PLA2G7: variants seen among roughly 807,000 people sequenced by gnomAD.
PLA2G7 encodes phospholipase A2 group VII.
A neutral mutation model predicts 49.6 loss-of-function variants in PLA2G7; 63 were observed. The ratio of observed to expected loss-of-function variants is 1.27; its 90% confidence interval spans 1.04 to 1.57. The LOEUF is 1.57. Ranked by LOEUF, PLA2G7 falls within the 40% of genes most tolerant of loss-of-function variation. PLA2G7 has a pLI of 0.00. For synonymous variants in PLA2G7, 193 were observed against 169.9 expected, an observed-to-expected ratio of 1.14 and a Z score of -1.06; for missense variants, 596 against 521.2, an observed-to-expected ratio of 1.14 and a Z score of -1.40.
At chr6:46,705,515 C>G (rs1288206679) in intron 10 of PLA2G7, among the ~76,000 whole-genome samples, 1 of 152,100 alleles carries the variant, frequency 6.6e-6, no homozygotes, top group Non-Finnish European at 1.5e-5. Flanking sequence ...TCTAGAAATA[C>G]AACTCAAAGA....
intron 1 of PLA2G7, among the ~76,000 whole-genome samples, chr6:46,733,715 CACCAG>C (rs2150717174): frequency 6.6e-6 from 1 of 152,336 alleles, no homozygotes; most frequent in Non-Finnish European, 1.5e-5. Flanking sequence ...GATGGAGGCT[CACCAG>C]TGCCTCGTGA....
intron 3 of PLA2G7, 151 bp from the exon 4 acceptor site, chr6:46,716,679 G>A: frequency 1.3e-6 from 1 of 749,492 alleles, no homozygotes; most frequent in Non-Finnish European, 2.2e-6. Context: ...GGTGATTGAA[G>A]ATAGTCATGA....
intron 7 of PLA2G7, 69 bp from the exon 8 acceptor site, chr6:46,710,727 A>G (rs1389068981): frequency 8.1e-6 from 10 of 1,238,932 alleles, no homozygotes; most frequent in Admixed American, 1.7e-5. Context: ...AAGTTTAGGT[A>G]GAAGCTGTAT....
At chr6:46,714,673 G>A in intron 4 of PLA2G7, 120 bp from the exon 5 acceptor site, 1 of 712,130 alleles carries the variant, frequency 1.4e-6, no homozygotes, top group South Asian at 1.5e-5. Context: ...TTTTATGGAT[G>A]AATAGTAGAT....
At chr6:46,716,330 T>G in intron 4 of PLA2G7, 54 bp downstream of exon 4, 1 of 1,590,760 alleles carries the variant, frequency 6.3e-7, no homozygotes, top group Non-Finnish European at 8.6e-7. Flanking sequence ...CTTGTTGTTT[T>G]CAAGGTTTTC....
At chr6:46,704,734 T>C in intron 11 of PLA2G7, 38 bp from the exon 12 acceptor site, 1 of 1,344,946 alleles carries the variant, frequency 7.4e-7, no homozygotes, top group Non-Finnish European at 1.1e-6. Context: ...TATTAAACTT[T>C]TGAGAGCATT....
intron 5 of PLA2G7, among the ~76,000 whole-genome samples, chr6:46,713,104 T>C (rs9472826): frequency 0.037 from 5,586 of 152,328 alleles, 255 homozygotes; most frequent in African/African-American, 0.11. Flanking sequence ...TTAGCTATTA[T>C]TTAAATGATT....
chr6:46,717,709 C>CTTTTTTTTTTT (rs760308042), intron 2 of PLA2G7, among the ~76,000 whole-genome samples: 20 of 116,180 alleles, frequency 1.7e-4, no homozygotes, highest in East Asian at 6.0e-4. Flanking sequence ...TTTCTTTTTT[C>CTTTTTTTTTTT]TTTTTCTTTT....
chr6:46,714,963 G>A (rs560280939), intron 4 of PLA2G7, among the ~76,000 whole-genome samples: 1 of 152,044 alleles, frequency 6.6e-6, no homozygotes, highest in South Asian at 2.1e-4. Flanking sequence ...GTGAACTCCC[G>A]ACCTCAGGTG....
intron 4 of PLA2G7, among the ~76,000 whole-genome samples, 183 bp from the exon 5 acceptor site, chr6:46,714,736 G>GTTT (rs34589690): frequency 1.6e-5 from 2 of 128,726 alleles, no homozygotes; most frequent in Non-Finnish European, 3.3e-5. Flanking sequence ...TGAACTGTAA[G>GTTT]TTTTTTTTTT....
rs571621664 is a variant in PLA2G7 at position 46,713,145 on chromosome 6, G to A, written c.471-808C>T. Among the ~76,000 whole-genome samples, 10 of 152,290 alleles carry A rather than the reference G, an allele frequency of 6.6e-5. 1 individual carries two copies. The South Asian group carries it at 2.1e-3, about 32-fold the overall frequency. On this transcript the variant is annotated intron_variant, in intron 5 of 11. Coordinates refer to ENST00000274793, the MANE Select transcript of PLA2G7 (RefSeq NM_005084.4). ...GGGTGAAATAGTTGAAAAATCATGT[G>A]CTAAGCACTGCATTTATGCCCTCTT...
At chr6:46,706,253 C>T (rs1764822924) in intron 10 of PLA2G7, among the ~76,000 whole-genome samples, 1 of 152,200 alleles carries the variant, frequency 6.6e-6, no homozygotes, top group Non-Finnish European at 1.5e-5. Flanking sequence ...AGCAACCCAT[C>T]ATTCTTTTAG....
At chr6:46,719,513 G>A (rs1224021334) in intron 2 of PLA2G7, among the ~76,000 whole-genome samples, 1 of 152,154 alleles carries the variant, frequency 6.6e-6, no homozygotes. Flanking sequence ...CTGACACACA[G>A]GTCAGCAATC....
At chr6:46,716,932 A>C in intron 3 of PLA2G7, 43 bp downstream of exon 3, 2 of 1,594,734 alleles carry the variant, frequency 1.3e-6, no homozygotes, top group Middle Eastern at 3.3e-4. Context: ...AGCGACAGAC[A>C]ATATTAGAGT....
rs1216978186 is a variant in PLA2G7 at position 46,710,558 on chromosome 6, A to G, written c.764T>C (p.Met255Thr). ...VKNALDLKFD[M>T]EQLKDSIDRE... ...TTTATAGCTTACCTTCAGTTGTTCC[A>G]TATCAAACTTTAAATCTAATGCATT... The change falls in exon 8 of 12, where the codon ATG becomes ACG. Residue 255 changes from methionine to threonine, a missense_variant. By Grantham distance (81) the Met-to-Thr change is moderately conservative (BLOSUM62 -1). Transcript: ENST00000274793. The G allele has an allele frequency of 2.5e-6, 4 of 1,592,492 alleles. No individual in the cohort carries two copies. Among genetic ancestry groups the G allele is most frequent in the Non-Finnish European group, 3.4e-6 (4 of 1,160,390 alleles).
chr6:46,720,579 C>T (rs528325321), intron 2 of PLA2G7, among the ~76,000 whole-genome samples: 1 of 152,264 alleles, frequency 6.6e-6, no homozygotes, highest in African/African-American at 2.4e-5. Context: ...CGGTTATGGG[C>T]CTGGATTTCC....
intron 10 of PLA2G7, 32 bp from the exon 11 acceptor site, chr6:46,705,333 T>C (rs1323848601): frequency 1.9e-6 from 3 of 1,584,942 alleles, no homozygotes; most frequent in Non-Finnish European, 2.6e-6. Flanking sequence ...AAAAGTCACA[T>C]TGTTTGATAA....
At chr6:46,715,719 T>C (rs947545573) in intron 4 of PLA2G7, among the ~76,000 whole-genome samples, 1 of 152,214 alleles carries the variant, frequency 6.6e-6, no homozygotes, top group African/African-American at 2.4e-5. Context: ...TTATAAGTGG[T>C]TTTTAAGAAA....
At chr6:46,709,932 C>T (rs998610709) in intron 8 of PLA2G7, among the ~76,000 whole-genome samples, 7 of 152,072 alleles carry the variant, frequency 4.6e-5, no homozygotes, top group African/African-American at 1.4e-4. Flanking sequence ...AAGAAAGCTT[C>T]TTAGAGGAGG....
Sources: gnomAD v4.1 joint callset for allele counts (sites outside exome capture counted in the v4.1 genomes callset) on GRCh38, gnomAD v4.1.1 for gene constraint, MANE v1.5 for transcripts, NCBI Gene and HGNC (gene_info 2026-07-23, HGNC 2026-07-21) for gene names.